The following SQOR variants were observed in gnomAD, a reference collection of about 807,000 sequenced individuals.
SQOR encodes the protein sulfide quinone oxidoreductase.
In SQOR, 39 loss-of-function variants were observed where a neutral mutation model predicts 48.6. The observed-to-expected ratio is 0.80, with a 90% CI of 0.62 to 1.05. SQOR has a LOEUF of 1.05. Ranked by LOEUF, SQOR falls within the 50% of genes least tolerant of loss-of-function variation. SQOR has a pLI of 0.00. For synonymous variants in SQOR, 220 were observed against 206.2 expected, an observed-to-expected ratio of 1.07 and a Z score of -0.57; for missense variants, 561 against 559.9, an observed-to-expected ratio of 1.00 and a Z score of -0.02.
chr15:45,682,505 A>G lies in SQOR; in HGVS notation c.892A>G (p.Met298Val), dbSNP rs747494159. The G allele has an allele frequency of 4.7e-5, 76 of 1,614,098 alleles. No homozygotes were observed. Among genetic ancestry groups the G allele is most frequent in the Non-Finnish European group, 6.1e-5 (72 of 1,180,038 alleles). The part of the protein sequence containing the change: ...SYEMLHVTPP[M>V]SPPDVLKTSP... ...TGAAATGCTTCATGTCACACCTCCA[A>G]TGAGCCCACCAGATGTCCTCAAGAC... Residue 298 changes from methionine to valine, a missense_variant, in exon 7 of 10, where the codon ATG (methionine) becomes GTG (valine). Coordinates refer to ENST00000260324, the MANE Select transcript of SQOR (RefSeq NM_021199.4).
intron 7 of SQOR, among the ~76,000 whole-genome samples, chr15:45,685,908 G>A (rs188837039): frequency 0.016 from 2,406 of 152,020 alleles, 27 homozygotes; most frequent in Non-Finnish European, 0.026. Flanking sequence ...GAGTGATCAC[G>A]GCTCGCTGCA....
Position 45,669,997 on chromosome 15 carries a change from G to A in SQOR, c.459+16G>A. 1 of 1,613,036 alleles carries A rather than the reference G, an allele frequency of 6.2e-7. No homozygotes were observed. Among genetic ancestry groups the A allele is most frequent in the Non-Finnish European group, 8.5e-7 (1 of 1,179,078 alleles). ...CTATGAGAAGGTACCGTGTGAAACT[G>A]TTTCTGTGTTACGCTGGCTTATCTA... On this transcript the variant is annotated intron_variant, in intron 4 of 9. Coordinates refer to ENST00000260324, the MANE Select transcript of SQOR (RefSeq NM_021199.4).
chr15:45,636,642 T>C (rs2140935294), intron 1 of SQOR, among the ~76,000 whole-genome samples: 1 of 152,220 alleles, frequency 6.6e-6, no homozygotes, highest in South Asian at 2.1e-4. Context: ...GACCTTGTGA[T>C]ACGCCCACCT....
At chr15:45,645,508 G>T (rs1489879258) in intron 1 of SQOR, among the ~76,000 whole-genome samples, 1 of 152,194 alleles carries the variant, frequency 6.6e-6, no homozygotes, top group African/African-American at 2.4e-5. Flanking sequence ...ATGTGGGTTG[G>T]CCTTACGCAA....
At chr15:45,642,759 T>C (rs1194335798) in intron 1 of SQOR, among the ~76,000 whole-genome samples, 1 of 152,236 alleles carries the variant, frequency 6.6e-6, no homozygotes. Flanking sequence ...TAATTCCTTT[T>C]TCTTCAGCTG....
At chr15:45,661,334 A>G (rs1423900851) in intron 2 of SQOR, among the ~76,000 whole-genome samples, 13 of 151,136 alleles carry the variant, frequency 8.6e-5, no homozygotes, top group Non-Finnish European at 1.5e-5. Flanking sequence ...GAAGCAAGAA[A>G]ACTCCAGAAG....
intron 1 of SQOR, among the ~76,000 whole-genome samples, chr15:45,647,951 C>T (rs1332040375): frequency 6.6e-6 from 1 of 152,078 alleles, no homozygotes; most frequent in Non-Finnish European, 1.5e-5. Context: ...ATAATTTCAG[C>T]CAACAGGCAT....
chr15:45,676,224 A>C lies in SQOR; in HGVS notation c.778A>C (p.Lys260Gln). ...GGAGCGGAACCTCACTGTTAACTAC[A>C]AGAAAAACCTCATTGAAGTCCGAGC... ...IQERNLTVNYKKNLIEVRADK... is the reference protein window; with the variant it reads ...IQERNLTVNYQKNLIEVRADK... The change falls in exon 6 of 10, where the codon AAG (lysine) becomes CAG (glutamine). Residue 260 changes from lysine to glutamine, a missense_variant. Coordinates refer to ENST00000260324, the MANE Select transcript of SQOR (RefSeq NM_021199.4). The C allele has an allele frequency of 3.1e-6, 5 of 1,614,162 alleles. No individual in the cohort carries two copies. Among genetic ancestry groups the C allele is most frequent in the Non-Finnish European group, 4.2e-6 (5 of 1,180,030 alleles).
intron 1 of SQOR, among the ~76,000 whole-genome samples, chr15:45,640,133 A>G (rs1895078679): frequency 6.6e-6 from 1 of 152,232 alleles, no homozygotes; most frequent in South Asian, 2.1e-4. Context: ...AATGGTTTCC[A>G]TTCTAATTAT....
chr15:45,657,694 T>C (rs1889636434), intron 1 of SQOR, among the ~76,000 whole-genome samples: 1 of 152,236 alleles, frequency 6.6e-6, no homozygotes, highest in Non-Finnish European at 1.5e-5. Context: ...GTAGCTCCTC[T>C]GCCCTGCCAG....
chr15:45,635,421 G>C (rs1253564212), intron 1 of SQOR, among the ~76,000 whole-genome samples: 1 of 152,212 alleles, frequency 6.6e-6, no homozygotes, highest in Non-Finnish European at 1.5e-5. Flanking sequence ...GTGTGTGGAC[G>C]TTTCTGGCGC....
chr15:45,682,698 A>C, intron 7 of SQOR, 37 bp downstream of exon 7: 1 of 1,606,082 alleles, frequency 6.2e-7, no homozygotes, highest in African/African-American at 1.3e-5. Flanking sequence ...TTTCTCAAAA[A>C]TATGTCACCT....
At chr15:45,661,526 G>A (rs1294050465) in intron 2 of SQOR, among the ~76,000 whole-genome samples, 1 of 152,136 alleles carries the variant, frequency 6.6e-6, no homozygotes, top group Non-Finnish European at 1.5e-5. Context: ...GGAAGGGGCT[G>A]TAAACTTTCC....
At chr15:45,643,325 A>G (rs1301492206) in intron 1 of SQOR, among the ~76,000 whole-genome samples, 2 of 152,152 alleles carry the variant, frequency 1.3e-5, no homozygotes, top group Non-Finnish European at 2.9e-5. Context: ...TCTCCCAAGT[A>G]GCTGGGACTA....
At chr15:45,639,825 C>A (rs1355031955) in intron 1 of SQOR, among the ~76,000 whole-genome samples, 3 of 152,204 alleles carry the variant, frequency 2.0e-5, no homozygotes, top group African/African-American at 7.2e-5. Context: ...GGAGGAAAAT[C>A]ATGAGCCTTT....
intron 4 of SQOR, among the ~76,000 whole-genome samples, chr15:45,671,050 T>G (rs1031990319): frequency 1.3e-5 from 2 of 152,228 alleles, no homozygotes; most frequent in Non-Finnish European, 2.9e-5. Context: ...AGGCCAGTGC[T>G]CAGAGTTCAT....
At chr15:45,648,568 G>A (rs2140941113) in intron 1 of SQOR, among the ~76,000 whole-genome samples, 1 of 152,322 alleles carries the variant, frequency 6.6e-6, no homozygotes, top group East Asian at 1.9e-4. Flanking sequence ...AATAGCATTA[G>A]GGCTGACTTA....
intron 3 of SQOR, among the ~76,000 whole-genome samples, 163 bp from the exon 4 acceptor site, chr15:45,669,765 G>C (rs1301868150): frequency 2.0e-5 from 3 of 152,162 alleles, no homozygotes; most frequent in Admixed American, 2.0e-4. Flanking sequence ...ACCTGGGCAG[G>C]ACTCCCAACC....
chr15:45,639,875 T>C (rs774771196), intron 1 of SQOR, among the ~76,000 whole-genome samples: 18 of 152,178 alleles, frequency 1.2e-4, no homozygotes, highest in Non-Finnish European at 1.8e-4. Flanking sequence ...TTTTGAATCA[T>C]TGAGTAAGAA....
Sources: gnomAD v4.1 joint callset for allele counts (sites outside exome capture counted in the v4.1 genomes callset) on GRCh38, gnomAD v4.1.1 for gene constraint, MANE v1.5 for transcripts, NCBI Gene and HGNC (gene_info 2026-07-23, HGNC 2026-07-21) for gene names.